Variants in CDH11 observed in about 807,000 individuals in gnomAD.
The protein encoded by CDH11 is cadherin 11, also known as cadherin-11.
CDH11 carries 11 observed loss-of-function variants against 67.8 expected under a neutral mutation model. The ratio of observed to expected loss-of-function variants is 0.16; its 90% CI spans 0.10 to 0.27. The LOEUF is 0.27. Among genes scored for constraint, CDH11 ranks in the 10% least tolerant of loss-of-function variants. The probability of loss-of-function intolerance (pLI) is 1.00; values close to 1 mark genes in which losing one functional copy is unlikely to be tolerated. For missense variants in CDH11, 847 were observed against 1,031.2 expected (o/e 0.82, Z 2.45); for synonymous variants, 419 against 400.0 (o/e 1.05, Z -0.57).
chr16:64,947,776 T>C lies in CDH11; in HGVS notation c.2218A>G (p.Ile740Val), dbSNP rs747524041. 1 of 1,614,150 alleles carries C rather than the reference T, an allele frequency of 6.2e-7. No individual in the cohort carries two copies. The highest frequency in any genetic ancestry group is 2.2e-5 in the East Asian group (1 of 44,870). Reference protein sequence around the residue: ...NDPTAPPYDSIQIYGYEGRGS... With the variant: ...NDPTAPPYDSVQIYGYEGRGS... ...CTGCCTTCATAACCGTAGATTTGAA[T>C]GGAGTCATAAGGAGGAGCCGTGGGG... The change falls in exon 13 of 13, where the codon ATT becomes GTT. Residue 740 changes from isoleucine (I) to valine (V), a missense_variant. Ile to Val is a conservative substitution (Grantham distance 29). Around this residue, in one of 2 missense-constraint regions of CDH11, gnomAD observed 612 missense variants for 678.7 expected, o/e 0.90. Transcript: ENST00000268603.
At chr16:64,970,366 T>C (rs2071971002) in intron 11 of CDH11, among the ~76,000 whole-genome samples, 2 of 152,174 alleles carry the variant, frequency 1.3e-5, no homozygotes, top group African/African-American at 2.4e-5. Flanking sequence ...CACGAAAGGA[T>C]TCAGTGGTTA....
intron 11 of CDH11, among the ~76,000 whole-genome samples, chr16:64,958,875 T>A (rs2071595639): frequency 6.6e-6 from 1 of 152,040 alleles, no homozygotes; most frequent in Non-Finnish European, 1.5e-5. Context: ...CAATCAGGGG[T>A]ACTCATTCAA....
In CDH11 at chr16:64,947,368, T is replaced by C; in HGVS notation, c.*235A>G. ...AAATATTTTGTATGCCAAGTGTTTT[T>C]TTTTTCTAGCGAAGTTGATAAACAA... On this transcript the variant is annotated 3_prime_UTR_variant, in exon 13 of 13. Coordinates refer to ENST00000268603, the MANE Select transcript of CDH11 (RefSeq NM_001797.4). 7.8e-7 allele frequency: 1 copy of C among 1,278,008 alleles called. No individual in the cohort carries two copies. The highest frequency in any genetic ancestry group is 9.9e-7 in the Non-Finnish European group (1 of 1,011,922). The allele number at this position is 1,278,008 out of a possible 1,614,324, so 79.2% of individuals were successfully genotyped here.
At chr16:65,085,423 C>T (rs970328125) in intron 1 of CDH11, among the ~76,000 whole-genome samples, 1 of 152,196 alleles carries the variant, frequency 6.6e-6, no homozygotes, top group South Asian at 2.1e-4. Context: ...ATACCTACCT[C>T]GTGGAATCAC....
intron 1 of CDH11, among the ~76,000 whole-genome samples, chr16:65,059,096 AT>A (rs527803929): frequency 4.6e-5 from 7 of 151,732 alleles, no homozygotes; most frequent in Non-Finnish European, 8.8e-5. Flanking sequence ...ATTTTGCAAA[AT>A]TTTTTTTTCA....
chr16:65,003,333 T>C (rs2072970793), intron 3 of CDH11, among the ~76,000 whole-genome samples: 1 of 152,026 alleles, frequency 6.6e-6, no homozygotes, highest in Non-Finnish European at 1.5e-5. Context: ...CTTGGCTTAC[T>C]GCAACAACTC....
At chr16:64,970,874 G>A (rs1172221237) in intron 11 of CDH11, among the ~76,000 whole-genome samples, 1 of 152,182 alleles carries the variant, frequency 6.6e-6, no homozygotes, top group Non-Finnish European at 1.5e-5. Flanking sequence ...GAAAAACAGT[G>A]TGGATGAGAG....
rs373041489 is a variant in CDH11 at position 64,979,174 on chromosome 16, G to A, written c.1253+2874C>T. Among the ~76,000 whole-genome samples, 5 of 152,244 alleles carry A rather than the reference G, an allele frequency of 3.3e-5. No individual in the cohort carries two copies. In the East Asian group the frequency reaches 9.6e-4, roughly 29 times the overall value. ...GCACATAAAAAGATGCTCAGGCCAG[G>A]TGCAGTGGCTCATGCGTGTAATTCC... On this transcript the variant is annotated intron_variant, in intron 8 of 12. Transcript: ENST00000268603.
intron 6 of CDH11, 68 bp downstream of exon 6, chr16:64,991,700 T>C: frequency 8.8e-7 from 1 of 1,141,764 alleles, no homozygotes; most frequent in Non-Finnish European, 1.3e-6. Flanking sequence ...AAAGCAGGAA[T>C]AGGTTAGAGG....
chr16:65,079,503 G>A (rs997362756), intron 1 of CDH11, among the ~76,000 whole-genome samples: 1 of 152,198 alleles, frequency 6.6e-6, no homozygotes, highest in African/African-American at 2.4e-5. Flanking sequence ...GTATGTGTGT[G>A]TGTGTGTTTG....
At chr16:65,060,841 C>T (rs1158101391) in intron 1 of CDH11, among the ~76,000 whole-genome samples, 2 of 152,068 alleles carry the variant, frequency 1.3e-5, no homozygotes, top group African/African-American at 4.8e-5. Flanking sequence ...AATGGTTTCC[C>T]GTCAGGTCAG....
rs545147071 is a variant in CDH11, at chr16:64,991,995, A to G, written c.644-60T>C. On this transcript the variant is annotated intron_variant, in intron 5 of 12. Transcript: ENST00000268603. Reference sequence around the variant, plus strand: ...GTTTATAACATTATGACAACAAGAAAGTTCTGAGCACTGAGGAAGCAATGC... The same window carrying G: ...GTTTATAACATTATGACAACAAGAAGGTTCTGAGCACTGAGGAAGCAATGC... 7.7e-4 allele frequency: 988 copies of G among 1,275,296 alleles called. 2 individuals are homozygous for G. Among genetic ancestry groups the G allele is most frequent in the Non-Finnish European group, 8.8e-4 (803 of 913,662 alleles). 79.0% of individuals were successfully genotyped at this position (1,275,296 alleles called of 1,614,324 possible). A position where few individuals can be genotyped will look rare whatever the true frequency, so the allele number is the denominator to read the frequency against.
intron 1 of CDH11, among the ~76,000 whole-genome samples, chr16:65,090,299 CA>C (rs2074772560): frequency 6.6e-6 from 1 of 152,016 alleles, no homozygotes; most frequent in African/African-American, 2.4e-5. Context: ...AGAATGTATA[CA>C]GAAGAATGTC....
chr16:65,015,685 C>T (rs1324623357), intron 2 of CDH11, among the ~76,000 whole-genome samples: 1 of 152,128 alleles, frequency 6.6e-6, no homozygotes, highest in East Asian at 1.9e-4. Flanking sequence ...TAAAGATTTG[C>T]AGTGGAGAAC....
intron 8 of CDH11, among the ~76,000 whole-genome samples, chr16:64,979,558 GA>G (rs2072273587): frequency 6.6e-6 from 1 of 152,010 alleles, no homozygotes; most frequent in Non-Finnish European, 1.5e-5. Flanking sequence ...TAGCTATAAT[GA>G]AAAGAGGCAA....
intron 1 of CDH11, among the ~76,000 whole-genome samples, chr16:65,081,442 G>A (rs989870867): frequency 2.0e-5 from 3 of 152,046 alleles, no homozygotes; most frequent in Admixed American, 6.6e-5. Context: ...GGTGGCGGGC[G>A]CCTGTAGTCC....
chr16:64,969,086 G>A (rs187217880), intron 11 of CDH11, among the ~76,000 whole-genome samples: 3 of 152,224 alleles, frequency 2.0e-5, no homozygotes, highest in East Asian at 3.9e-4. Context: ...GAGAGGGCAG[G>A]GGAGATGAAT....
Position 65,090,022 on chromosome 16 carries a change from G to T in CDH11, c.-298+31858C>A, listed in dbSNP as rs187446798. Among the ~76,000 whole-genome samples the T allele has an allele frequency of 1.5e-4, 23 of 152,136 alleles. No homozygotes were observed. The South Asian group carries it at 4.4e-3, about 29-fold the overall frequency. ...CAGGAAACTTTTTGGCTCCCCCTAA[G>T]TTGTCACTAAATAACTTTTTGATGA... On this transcript the variant is annotated intron_variant, in intron 1 of 12. Coordinates refer to ENST00000268603, the MANE Select transcript of CDH11 (RefSeq NM_001797.4).
chr16:65,112,584 A>G (rs2075179055), intron 1 of CDH11, among the ~76,000 whole-genome samples: 1 of 152,150 alleles, frequency 6.6e-6, no homozygotes, highest in South Asian at 2.1e-4. Context: ...TGCCCAACCC[A>G]GGACCTTGCA....
Sources: gnomAD v4.1 joint callset for allele counts (sites outside exome capture counted in the v4.1 genomes callset) on GRCh38, gnomAD v4.1.1 for gene constraint, gnomAD v4.1.1 regional missense constraint, MANE v1.5 for transcripts, NCBI Gene and HGNC (gene_info 2026-07-23, HGNC 2026-07-21) for gene names.